HOMER2: variants seen among roughly 807,000 people sequenced by gnomAD.
HOMER2 encodes the protein homer protein homolog 2.
HOMER2 carries 27 observed loss-of-function variants against 47.0 expected under a neutral mutation model. That is an observed-to-expected ratio of 0.57 (90% confidence interval 0.42 to 0.79). The LOEUF (loss-of-function observed/expected upper bound fraction) is 0.79, where lower values mean the gene tolerates loss of function less well. Ranked by LOEUF, HOMER2 falls within the 30% of genes least tolerant of loss-of-function variation. The pLI is 0.00. For synonymous variants in HOMER2, 161 were observed against 163.8 expected, an observed-to-expected ratio of 0.98 and a Z score of 0.13; for missense variants, 443 against 435.0, an observed-to-expected ratio of 1.02 and a Z score of -0.16.
chr15:82,983,020 C>T (rs971401987), intron 1 of HOMER2, among the ~76,000 whole-genome samples: 1 of 152,204 alleles, frequency 6.6e-6, no homozygotes, highest in Non-Finnish European at 1.5e-5. Flanking sequence ...AAGTTGAAAA[C>T]ATCATTAAGT....
At chr15:82,868,793 C>T (rs981024433) in intron 3 of HOMER2, among the ~76,000 whole-genome samples, 2 of 151,168 alleles carry the variant, frequency 1.3e-5, no homozygotes, top group Non-Finnish European at 2.9e-5. Context: ...TCAGGTGATT[C>T]GCCTGTCTTG....
At chr15:82,944,021 T>C (rs1423958176) in intron 1 of HOMER2, among the ~76,000 whole-genome samples, 3 of 152,256 alleles carry the variant, frequency 2.0e-5, no homozygotes, top group South Asian at 2.1e-4. Flanking sequence ...ATAATAAGAC[T>C]ATCAACCAGG....
At position 82,875,423 on chromosome 15, in the gene HOMER2, A is replaced by C. The variant is rs1212385241; in HGVS notation, c.163-19T>G. The C allele has an allele frequency of 6.2e-7, 1 of 1,613,064 alleles. No individual in the cohort carries two copies. The highest frequency in any genetic ancestry group is 1.1e-5 in the South Asian group (1 of 90,948). On this transcript the variant is annotated intron_variant, in intron 2 of 8. Coordinates refer to ENST00000450735, the MANE Select transcript of HOMER2 (RefSeq NM_004839.4). The stretch of plus-strand genomic sequence containing the variant: ...TGATCACCTGCAGAAAAACAGCCCA[A>C]AGAGTGAAAATTTAAATGTTGAATG...
At chr15:82,967,437 A>G (rs1459582195) in intron 1 of HOMER2, among the ~76,000 whole-genome samples, 1 of 152,174 alleles carries the variant, frequency 6.6e-6, no homozygotes, top group African/African-American at 2.4e-5. Context: ...CTACAAAACA[A>G]TCCAGTGGGT....
At chr15:82,967,932 C>A (rs1036223779) in intron 1 of HOMER2, among the ~76,000 whole-genome samples, 2 of 152,058 alleles carry the variant, frequency 1.3e-5, no homozygotes, top group Non-Finnish European at 2.9e-5. Flanking sequence ...AGATATCTCA[C>A]TGCACAGGCA....
At position 82,875,404 on chromosome 15, in the gene HOMER2, C is replaced by A. The variant is rs1349561416; in HGVS notation, c.163G>T (p.Val55Leu). ...YRIISVDGAK[V>L]IINSTITPNM... The stretch of plus-strand genomic sequence containing the variant: ...GGTGTGATTGTGCTGTTTATGATCA[C>A]CTGCAGAAAAACAGCCCAAAGAGTG... The change falls in exon 3 of 9, where the codon GTG becomes TTG. Residue 55 changes from valine to leucine, a missense_variant and splice_region_variant. Transcript: ENST00000450735. 6.2e-7 allele frequency: 1 copy of A among 1,613,624 alleles called. No homozygotes were observed. Among genetic ancestry groups the A allele is most frequent in the Admixed American group, 1.7e-5 (1 of 59,938 alleles).
At chr15:82,881,932 G>A (rs1284273350) in intron 2 of HOMER2, among the ~76,000 whole-genome samples, 1 of 152,224 alleles carries the variant, frequency 6.6e-6, no homozygotes, top group African/African-American at 2.4e-5. Context: ...CTTGTCCACA[G>A]GCAGGCAGTT....
chr15:82,937,510 A>G (rs1272819913), intron 1 of HOMER2, among the ~76,000 whole-genome samples: 2 of 152,128 alleles, frequency 1.3e-5, no homozygotes, highest in Non-Finnish European at 2.9e-5. Context: ...AGGTCAGCAC[A>G]TTAATGTTCG....
At chr15:82,970,686 T>C (rs985584305) in intron 1 of HOMER2, among the ~76,000 whole-genome samples, 13 of 152,298 alleles carry the variant, frequency 8.5e-5, no homozygotes, top group South Asian at 4.1e-4. Context: ...ACGAAGTAGA[T>C]TGATATCTTG....
chr15:82,847,156 G>T (rs954926695), downstream of HOMER2: 1 of 152,236 alleles, frequency 6.6e-6, no homozygotes, highest in Admixed American at 6.5e-5. Flanking sequence ...GTAAGGTTAT[G>T]ACAACAGTAC....
intron 1 of HOMER2, among the ~76,000 whole-genome samples, chr15:82,960,140 T>C (rs1419974129): frequency 6.6e-6 from 1 of 152,102 alleles, no homozygotes; most frequent in Non-Finnish European, 1.5e-5. Flanking sequence ...AAGAAAATGA[T>C]GGAGTCATAT....
At chr15:82,859,314 T>TTTA in intron 4 of HOMER2, 179 bp from the exon 5 acceptor site, 3 of 820,974 alleles carry the variant, frequency 3.7e-6, no homozygotes, top group Non-Finnish European at 5.7e-6. Context: ...GTTTTTTTTT[T>TTTA]AAACAAACAA....
intron 1 of HOMER2, among the ~76,000 whole-genome samples, chr15:82,981,998 AT>A (rs1317637627): frequency 2.0e-5 from 3 of 152,196 alleles, no homozygotes; most frequent in Non-Finnish European, 4.4e-5. Context: ...TAAAATGGTA[AT>A]TTTTATGTTA....
intron 3 of HOMER2, among the ~76,000 whole-genome samples, chr15:82,873,744 T>C (rs948093418): frequency 2.0e-5 from 3 of 152,234 alleles, no homozygotes; most frequent in Non-Finnish European, 4.4e-5. Context: ...CATTTTGGAC[T>C]TCTCAGGCTT....
intron 1 of HOMER2, among the ~76,000 whole-genome samples, chr15:82,979,186 T>C (rs1308527155): frequency 6.6e-6 from 1 of 152,222 alleles, no homozygotes; most frequent in Non-Finnish European, 1.5e-5. Context: ...ACCTCTTCCC[T>C]TTATAAATTA....
At chr15:82,947,780 T>TTAAC (rs1213096399) in intron 1 of HOMER2, among the ~76,000 whole-genome samples, 19 of 152,346 alleles carry the variant, frequency 1.2e-4, no homozygotes, top group Admixed American at 4.6e-4. Flanking sequence ...GCCCACAACA[T>TTAAC]TCAAGCATTA....
chr15:82,899,457 C>A (rs550705822), intron 1 of HOMER2, among the ~76,000 whole-genome samples: 2 of 152,306 alleles, frequency 1.3e-5, no homozygotes, highest in African/African-American at 2.4e-5. Flanking sequence ...GAACAGAGAA[C>A]TGAAGGAAAA....
intron 1 of HOMER2, among the ~76,000 whole-genome samples, chr15:82,918,699 A>T (rs999352010): frequency 6.6e-6 from 1 of 151,932 alleles, no homozygotes; most frequent in African/African-American, 2.4e-5. Flanking sequence ...TCAGTGACTC[A>T]CACCACTGGA....
upstream of HOMER2, among the ~76,000 whole-genome samples, chr15:82,956,309 G>A (rs1004009329): frequency 2.6e-5 from 4 of 151,840 alleles, no homozygotes; most frequent in Non-Finnish European, 5.9e-5. Context: ...TGAGGGGAGG[G>A]TTCCAAGCAG....
Sources: allele counts gnomAD v4.1 joint callset (sites outside exome capture counted in the v4.1 genomes callset), GRCh38; gene constraint gnomAD v4.1.1; transcripts MANE v1.5; gene names NCBI Gene and HGNC (gene_info 2026-07-23, HGNC 2026-07-21).